Variants in WDHD1 observed in about 807,000 individuals in gnomAD.
WDHD1 encodes the protein WD repeat and HMG-box DNA binding protein 1, also known as WD repeat and HMG-box DNA-binding protein 1.
In WDHD1, 111 loss-of-function variants were observed where a neutral mutation model predicts 135.4. That is an observed-to-expected ratio of 0.82 (90% CI 0.70 to 0.96). The LOEUF is 0.96. WDHD1 is among the 40% of genes least tolerant of loss of function. WDHD1 has a pLI of 0.00. For missense variants in WDHD1, 1,351 were observed against 1,336.3 expected, an observed-to-expected ratio of 1.01 and a Z score of -0.17; for synonymous variants, 434 against 439.0, an observed-to-expected ratio of 0.99 and a Z score of 0.14.
At chr14:55,009,400 T>C (rs1345114069) in intron 4 of WDHD1, among the ~76,000 whole-genome samples, 1 of 152,254 alleles carries the variant, frequency 6.6e-6, no homozygotes, top group East Asian at 1.9e-4. Flanking sequence ...TCCAAAATAT[T>C]CTGACTGTAC....
chr14:54,941,314 T>C lies in WDHD1; in HGVS notation c.*176A>G. 2.1e-6 allele frequency: 1 copy of C among 484,722 alleles called. No homozygotes were observed. 30.0% of individuals were successfully genotyped at this position (484,722 alleles called of 1,614,324 possible). A position where few individuals can be genotyped will look rare whatever the true frequency, so the allele number is the denominator to read the frequency against. ...CAGAGTAATCTGCAAAGATGATAGT[T>C]TTTACATATGTCCTGTTACCTACAC... On this transcript the variant is annotated 3_prime_UTR_variant, in exon 26 of 26. Transcript: ENST00000360586.
At chr14:54,944,192 G>T in intron 25 of WDHD1, 140 bp downstream of exon 25, 1 of 963,758 alleles carries the variant, frequency 1.0e-6, no homozygotes, top group Non-Finnish European at 1.5e-6. Flanking sequence ...GAACTCCTGA[G>T]CTCAAGTGAT....
rs1403140796 is a variant in WDHD1 at position 54,957,180 on chromosome 14, C to T, written c.2770G>A (p.Ala924Thr). The T allele has an allele frequency of 1.5e-5, 25 of 1,613,806 alleles. No homozygotes were observed. Among genetic ancestry groups the T allele is most frequent in the Non-Finnish European group, 2.0e-5 (24 of 1,179,910 alleles). ...FKVSASSKEP[A>T]MSMNSARSTN... ...GAACGTGCTGAATTCATTGACATGG[C>T]TGGTTCTTTGGAACTGGCTGATACC... Residue 924 changes from alanine to threonine, a missense_variant, in exon 23 of 26, where the codon GCC becomes ACC. Transcript: ENST00000360586.
intron 2 of WDHD1, among the ~76,000 whole-genome samples, chr14:55,015,405 A>AG (rs1555372658): frequency 7.2e-6 from 1 of 139,562 alleles, no homozygotes; most frequent in Non-Finnish European, 1.5e-5. Flanking sequence ...AAAAAAAAAA[A>AG]GGCTAGGGTG....
At chr14:54,983,941 T>C (rs1324827935) in intron 15 of WDHD1, among the ~76,000 whole-genome samples, 1 of 152,208 alleles carries the variant, frequency 6.6e-6, no homozygotes, top group Non-Finnish European at 1.5e-5. Context: ...AATTGATTTT[T>C]ATATCTTTTT....
intron 16 of WDHD1, among the ~76,000 whole-genome samples, chr14:54,980,502 G>A (rs924256321): frequency 6.6e-5 from 10 of 151,880 alleles, no homozygotes; most frequent in African/African-American, 2.4e-4. Flanking sequence ...ATGTGCACAC[G>A]GATCAATATA....
chr14:54,944,638 G>C, intron 24 of WDHD1, 168 bp from the exon 25 acceptor site: 2 of 338,774 alleles, frequency 5.9e-6, no homozygotes, highest in Non-Finnish European at 8.5e-6. Context: ...TTTTTTTTTT[G>C]AGACAGAGTC....
intron 21 of WDHD1, among the ~76,000 whole-genome samples, chr14:54,958,740 T>G (rs985336627): frequency 1.1e-4 from 16 of 152,218 alleles, no homozygotes; most frequent in Non-Finnish European, 2.2e-4. Context: ...GTTCCAATAG[T>G]TGGTTCCTCC....
intron 7 of WDHD1, chr14:55,005,552 A>G (rs1301784955): frequency 8.4e-6 from 5 of 594,958 alleles, no homozygotes; most frequent in African/African-American, 7.4e-5. Flanking sequence ...TATGATGTAG[A>G]TGCCAACACT....
chr14:54,980,257 G>A (rs930869059), intron 16 of WDHD1, among the ~76,000 whole-genome samples: 3 of 151,880 alleles, frequency 2.0e-5, no homozygotes, highest in African/African-American at 4.8e-5. Flanking sequence ...TCACTGAAGT[G>A]AGCCTGAAGT....
At chr14:54,987,954 G>A (rs1298598491) in intron 13 of WDHD1, among the ~76,000 whole-genome samples, 4 of 152,154 alleles carry the variant, frequency 2.6e-5, no homozygotes, top group African/African-American at 4.8e-5. Flanking sequence ...AAATCACATA[G>A]AAGATAGTAA....
In WDHD1 at chr14:55,008,326, A is replaced by G. The variant is rs980121467; in HGVS notation, c.494T>C (p.Ile165Thr). The change falls in exon 6 of 26, where the codon ATT becomes ACT. Residue 165 changes from isoleucine to threonine, a missense_variant. Around this residue, in one of 2 missense-constraint regions of WDHD1, gnomAD observed 1,330 missense variants for 1,296.1 expected, o/e 1.03. Coordinates refer to ENST00000360586, the MANE Select transcript of WDHD1 (RefSeq NM_007086.4). ...SCDGSVRVWQ[I>T]SDQTCAISWP... ...AATTGCTGAGTTTACCTGATCTGAA[A>G]TTTGCCACACTCTGACAGATCCATC... is the stretch of plus-strand genomic sequence containing the variant. 6.2e-7 allele frequency: 1 copy of G among 1,613,404 alleles called. No homozygotes were observed. Among genetic ancestry groups the G allele is most frequent in the Non-Finnish European group, 8.5e-7 (1 of 1,179,662 alleles).
chr14:54,956,586 T>C (rs1595064231), intron 23 of WDHD1, among the ~76,000 whole-genome samples: 1 of 152,210 alleles, frequency 6.6e-6, no homozygotes. Flanking sequence ...TGCAGTGAGC[T>C]GAGATCCTGA....
At chr14:54,956,725 G>A (rs1421704097) in intron 23 of WDHD1, among the ~76,000 whole-genome samples, 1 of 152,146 alleles carries the variant, frequency 6.6e-6, no homozygotes, top group African/African-American at 2.4e-5. Flanking sequence ...GCAGAATAGG[G>A]AGTGATTCTG....
At chr14:54,956,753 GT>G (rs1440109047) in intron 23 of WDHD1, among the ~76,000 whole-genome samples, 8 of 152,104 alleles carry the variant, frequency 5.3e-5, no homozygotes, top group Non-Finnish European at 7.4e-5. Context: ...AAACACAACT[GT>G]TTTGGGGTTT....
chr14:55,012,217 G>A (rs888744803), intron 3 of WDHD1, among the ~76,000 whole-genome samples: 13 of 151,984 alleles, frequency 8.6e-5, no homozygotes, highest in African/African-American at 1.9e-4. Context: ...TTCTGGGAAC[G>A]CATTTTCTAA....
rs537078668 is a variant in WDHD1 at position 54,989,072 on chromosome 14, G to A, written c.1482C>T (p.His494=). 3.0e-5 allele frequency: 49 copies of A among 1,613,132 alleles called. No homozygotes were observed. Among genetic ancestry groups the A allele is most frequent in the Admixed American group, 1.2e-4 (7 of 59,948 alleles). Residue 494 remains histidine (H), a synonymous_variant, in exon 13 of 26, where the codon CAC becomes CAT. Transcript: ENST00000360586. ...TLNYTIADLS[H]EAILLACEST... The stretch of plus-strand genomic sequence containing the variant: ...TTTCACATGCCAACAAAATAGCTTC[G>A]TGGGAAAGATCTGCTATTGTATAAT...
At chr14:55,002,708 G>T (rs1427529459) in intron 7 of WDHD1, among the ~76,000 whole-genome samples, 2 of 152,024 alleles carry the variant, frequency 1.3e-5, no homozygotes, top group Admixed American at 1.3e-4. Flanking sequence ...GGGGTCAAAG[G>T]ATCCTCCTGC....
At chr14:54,971,614 G>A (rs1310529847) in intron 16 of WDHD1, among the ~76,000 whole-genome samples, 1 of 150,496 alleles carries the variant, frequency 6.6e-6, no homozygotes, top group Non-Finnish European at 1.5e-5. Context: ...TGCAGATCCT[G>A]AGGTGGATCA....
Sources: allele counts gnomAD v4.1 joint callset (sites outside exome capture counted in the v4.1 genomes callset), GRCh38; gene constraint gnomAD v4.1.1; regional missense constraint gnomAD v4.1.1; transcripts MANE v1.5; gene names NCBI Gene and HGNC (gene_info 2026-07-23, HGNC 2026-07-21).